DENND6B: variants seen among roughly 807,000 people sequenced by gnomAD.
The protein encoded by DENND6B is protein DENND6B.
A neutral mutation model predicts 85.1 loss-of-function variants in DENND6B; 73 were observed. That is an observed-to-expected ratio of 0.86 (90% CI 0.71 to 1.04). The LOEUF (loss-of-function observed/expected upper bound fraction) is 1.04, where lower values mean the gene tolerates loss of function less well. DENND6B is among the 50% of genes least tolerant of loss of function. DENND6B has a pLI of 0.00. For missense variants in DENND6B, 715 were observed against 785.8 expected, an observed-to-expected ratio of 0.91 and a Z score of 1.08; for synonymous variants, 357 against 329.3, an observed-to-expected ratio of 1.08 and a Z score of -0.91.
Position 50,309,878 on chromosome 22 carries a change from G to A in DENND6B, c.*2261C>T, listed in dbSNP as rs78854007. 3,076 of 152,424 alleles carry A rather than the reference G, an allele frequency of 0.02. 54 individuals carry two copies. The highest frequency in any genetic ancestry group is 0.035 in the South Asian group (170 of 4,834). The allele number at this position is 152,424 out of a possible 1,614,324, so 9.4% of individuals were successfully genotyped here. ...CCAAGTGAGGCGAGACTGTGCTGTG[G>A]GGAAGCACATGCTGCCACGGTCCTT... On this transcript the variant is annotated 3_prime_UTR_variant, in exon 20 of 20. Coordinates refer to ENST00000413817, the MANE Select transcript of DENND6B (RefSeq NM_001001794.4).
chr22:50,315,592 G>A (rs756972946), intron 9 of DENND6B, 122 bp downstream of exon 9: 150 of 1,201,350 alleles, frequency 1.2e-4, no homozygotes, highest in Non-Finnish European at 1.6e-4. Context: ...ACGTGCACAC[G>A]TGCACTCACG....
At position 50,313,209 on chromosome 22, in the gene DENND6B, A is replaced by T. The variant is rs2068109652; in HGVS notation, c.1348-101T>A. ...CTCCTCACCACTTCTGAAGACCCCC[A>T]GCCCCCACCCTGCCTGGCACAGATC... On this transcript the variant is annotated intron_variant, in intron 16 of 19. Transcript: ENST00000413817. 5 of 1,261,980 alleles carry T rather than the reference A, an allele frequency of 4.0e-6. No homozygotes were observed. The South Asian group carries it at 7.1e-5, about 18-fold the overall frequency. The allele number at this position is 1,261,980 out of a possible 1,614,324, so 78.2% of individuals were successfully genotyped here.
At chr22:50,322,040 C>T (rs566211986) in intron 1 of DENND6B, among the ~76,000 whole-genome samples, 2 of 113,106 alleles carry the variant, frequency 1.8e-5, no homozygotes, top group South Asian at 4.9e-4. Flanking sequence ...TAGATATAAC[C>T]AATATTAAAA....
In DENND6B at chr22:50,314,914, G is replaced by T. The variant is rs779788990; in HGVS notation, c.766C>A (p.Arg256=). 23 of 1,609,412 alleles carry T rather than the reference G, an allele frequency of 1.4e-5. No individual in the cohort carries two copies. Among genetic ancestry groups the T allele is most frequent in the Non-Finnish European group, 1.9e-5 (22 of 1,177,590 alleles). The change falls in exon 10 of 20, where the codon CGG becomes AGG. Residue 256 remains arginine (R), a synonymous_variant. Coordinates refer to ENST00000413817, the MANE Select transcript of DENND6B (RefSeq NM_001001794.4). ...VHELDLFRCF[R]PVLTHMQTLW... ...GTCTGCATATGAGTCAGCACAGGCC[G>T]GAAGCACCTGGGGCCGGGCAGGAAG...
At chr22:50,316,825 T>C (rs1212649020) in intron 5 of DENND6B, 41 of 1,123,230 alleles carry the variant, frequency 3.7e-5, no homozygotes, top group Admixed American at 1.2e-4. Context: ...ACACTGACAG[T>C]GTGATGACCC....
At position 50,311,997 on chromosome 22, in the gene DENND6B, A is replaced by T. The variant is rs2147762779; in HGVS notation, c.*142T>A. The stretch of plus-strand genomic sequence containing the variant: ...AAATGTCGCCTTTACTGCTGAGACA[A>T]TGGTGGTGCAGGAAGGGGAGCCTGC... On this transcript the variant is annotated 3_prime_UTR_variant, in exon 20 of 20. Coordinates refer to ENST00000413817, the MANE Select transcript of DENND6B (RefSeq NM_001001794.4). 17 of 1,345,058 alleles carry T rather than the reference A, an allele frequency of 1.3e-5. No homozygotes were observed. The highest frequency in any genetic ancestry group is 1.7e-5 in the Non-Finnish European group (17 of 1,007,348). 83.3% of individuals were successfully genotyped at this position (1,345,058 alleles called of 1,614,324 possible).
At chr22:50,323,269 C>T (rs1225762154) in intron 1 of DENND6B, among the ~76,000 whole-genome samples, 14 of 148,230 alleles carry the variant, frequency 9.4e-5, no homozygotes, top group Non-Finnish European at 1.6e-4. Context: ...GTTTGTGCCA[C>T]CATGCCTGGC....
Position 50,314,932 on chromosome 22 carries a change from G to T in DENND6B, c.759-11C>A. 6.2e-7 allele frequency: 1 copy of T among 1,607,794 alleles called. No individual in the cohort carries two copies. Among genetic ancestry groups the T allele is most frequent in the South Asian group, 1.1e-5 (1 of 90,902 alleles). ...ACAGGCCGGAAGCACCTGGGGCCGG[G>T]CAGGAAGGTCGGGGAGGTCAGGCAG... is the stretch of plus-strand genomic sequence containing the variant. On this transcript the variant is annotated splice_polypyrimidine_tract_variant and intron_variant, in intron 9 of 19. Transcript: ENST00000413817.
At chr22:50,317,854 AG>A in intron 4 of DENND6B, 53 bp downstream of exon 4, 1 of 1,536,686 alleles carries the variant, frequency 6.5e-7, no homozygotes, top group African/African-American at 1.4e-5. Flanking sequence ...TGACCCTGGC[AG>A]GACCCTTGGG....
intron 15 of DENND6B, 54 bp from the exon 16 acceptor site, chr22:50,313,553 T>TCC: frequency 4.3e-6 from 3 of 698,182 alleles, no homozygotes. Context: ...CCCAGCCCCA[T>TCC]CCCCCGCAGC....
chr22:50,312,496 C>T, intron 18 of DENND6B, 27 bp downstream of exon 18: 1 of 1,557,840 alleles, frequency 6.4e-7, no homozygotes, highest in East Asian at 2.4e-5. Flanking sequence ...CATGTTCTGG[C>T]CCTCCCCAAC....
intron 8 of DENND6B, 92 bp from the exon 9 acceptor site, chr22:50,315,861 G>A: frequency 6.8e-7 from 1 of 1,478,650 alleles, no homozygotes; most frequent in East Asian, 2.4e-5. Context: ...GGGGAAGGTG[G>A]AGAGCACCCA....
intron 1 of DENND6B, among the ~76,000 whole-genome samples, chr22:50,320,782 C>T (rs1474823052): frequency 6.6e-6 from 1 of 152,198 alleles, no homozygotes; most frequent in Non-Finnish European, 1.5e-5. Flanking sequence ...TGCCTGGGGT[C>T]AGGACTCTGC....
At chr22:50,319,538 A>G (rs2041973870) in intron 1 of DENND6B, 1 of 983,730 alleles carries the variant, frequency 1.0e-6, no homozygotes, top group African/African-American at 1.7e-5. Context: ...AGGCCCCCTC[A>G]CCCGGGATGG....
At position 50,318,872 on chromosome 22, in the gene DENND6B, G is replaced by A. The variant is rs963457806; in HGVS notation, c.234C>T (p.Tyr78=). The A allele has an allele frequency of 3.7e-6, 6 of 1,613,226 alleles. No individual in the cohort carries two copies. The highest frequency in any genetic ancestry group is 1.6e-4 in the Middle Eastern group (1 of 6,080). ...LTDKEKSSIC[Y]LSFPDSHSGC... The stretch of plus-strand genomic sequence containing the variant: ...CTGAGTGCGAGTCGGGAAAAGACAG[G>A]TAGCAGATGCTGCTTTTCTGAAACA... The change falls in exon 3 of 20, where the codon TAC becomes TAT. Residue 78 remains tyrosine (Y), a synonymous_variant. Transcript: ENST00000413817.
chr22:50,315,619 CACAT>C (rs1042234291), intron 9 of DENND6B, 91 bp downstream of exon 9: 14 of 1,371,254 alleles, frequency 1.0e-5, no homozygotes, highest in African/African-American at 7.6e-5. Context: ...CACACGCACA[CACAT>C]ACTCACACAC....
At chr22:50,326,123 G>A (rs1242065346) in intron 1 of DENND6B, among the ~76,000 whole-genome samples, 3 of 152,266 alleles carry the variant, frequency 2.0e-5, no homozygotes, top group Non-Finnish European at 4.4e-5. Context: ...CTCCCTGGAG[G>A]AAAGGAGGCT....
At chr22:50,319,103 A>G (rs756242621) in intron 1 of DENND6B, 100 bp from the exon 2 acceptor site, 1 of 1,545,048 alleles carries the variant, frequency 6.5e-7, no homozygotes, top group Non-Finnish European at 8.7e-7. Context: ...CAGCTGCAGC[A>G]TCTGTCTGTG....
intron 8 of DENND6B, 34 bp downstream of exon 8, chr22:50,315,991 G>A (rs1297214779): frequency 3.7e-6 from 6 of 1,612,198 alleles, no homozygotes; most frequent in Non-Finnish European, 5.1e-6. Context: ...GTGAAGCCCA[G>A]CTGTTTCAGC....
Sources: allele counts gnomAD v4.1 joint callset (sites outside exome capture counted in the v4.1 genomes callset), GRCh38; gene constraint gnomAD v4.1.1; transcripts MANE v1.5; gene names NCBI Gene and HGNC (gene_info 2026-07-23, HGNC 2026-07-21).